The following DDX49 variants were observed in gnomAD, a reference collection of about 807,000 sequenced individuals.
DDX49 encodes the protein DEAD-box helicase 49.
A neutral mutation model predicts 56.3 loss-of-function variants in DDX49; 50 were observed. That is an observed-to-expected ratio of 0.89 (90% CI 0.71 to 1.12). The LOEUF is 1.12. Ranked by LOEUF, DDX49 falls within the 50% of genes most tolerant of loss-of-function variation. The probability of loss-of-function intolerance (pLI) is 0.00; values close to 1 mark genes in which losing one functional copy is unlikely to be tolerated. For missense variants in DDX49, 614 were observed against 650.5 expected (o/e 0.94, Z 0.61); for synonymous variants, 269 against 270.6 (o/e 0.99, Z 0.06).
At chr19:18,925,060 T>A in intron 9 of DDX49, 81 bp downstream of exon 9, 1 of 1,492,682 alleles carries the variant, frequency 6.7e-7, no homozygotes, top group South Asian at 1.3e-5. Flanking sequence ...AGGACGTGGG[T>A]AGGGTGCAGC....
rs1376411534 is a variant in DDX49 at position 18,928,369 on chromosome 19, G to A, written c.*53G>A. ...TGACTCGTCCATGGAGCTGAGGGTCGGAGGAACCTTCCTTGGGGGCAGCAG... is the reference window on the plus strand; with the variant it reads ...TGACTCGTCCATGGAGCTGAGGGTCAGAGGAACCTTCCTTGGGGGCAGCAG... On this transcript the variant is annotated 3_prime_UTR_variant, in exon 13 of 13. Transcript: ENST00000247003. 9 of 1,444,028 alleles carry A rather than the reference G, an allele frequency of 6.2e-6. No individual in the cohort carries two copies. Among genetic ancestry groups the A allele is most frequent in the African/African-American group, 2.9e-5 (2 of 69,832 alleles). The allele number at this position is 1,444,028 out of a possible 1,614,324, so 89.5% of individuals were successfully genotyped here.
chr19:18,926,513 C>T, intron 10 of DDX49, 136 bp downstream of exon 10: 1 of 852,270 alleles, frequency 1.2e-6, no homozygotes, highest in Non-Finnish European at 1.8e-6. Flanking sequence ...GGGCTTCCTT[C>T]CCTAGGCACC....
chr19:18,924,219 A>T lies in DDX49; in HGVS notation c.777-14A>T. ...GAGAGCTGGAGGGGTTGACAGGCAC[A>T]TCCTTCCCGCCAGGACCTGCCAGAT... On this transcript the variant is annotated splice_polypyrimidine_tract_variant and intron_variant, in intron 6 of 12. Transcript: ENST00000247003. 10 of 1,613,712 alleles carry T rather than the reference A, an allele frequency of 6.2e-6. 1 individual carries two copies. Among genetic ancestry groups the T allele is most frequent in the Non-Finnish European group, 6.8e-6 (8 of 1,179,882 alleles).
In DDX49 at chr19:18,921,940, T is replaced by G; in HGVS notation, c.423T>G (p.Phe141Leu). The G allele has an allele frequency of 1.2e-6, 2 of 1,613,242 alleles. No individual in the cohort carries two copies. The highest frequency in any genetic ancestry group is 1.7e-6 in the Non-Finnish European group (2 of 1,179,732). ...ATCACCTGCGCAGCTCCAACACTTT[T>G]AGTATAAAGAAGATCCGCTTCCTGG... Reference protein sequence around the residue: ...LADHLRSSNTFSIKKIRFLVM... With the variant: ...LADHLRSSNTLSIKKIRFLVM... Residue 141 changes from phenylalanine (F) to leucine (L), a missense_variant, in exon 4 of 13, where the codon TTT becomes TTG. Coordinates refer to ENST00000247003, the MANE Select transcript of DDX49 (RefSeq NM_019070.5).
Position 18,927,976 on chromosome 19 carries a change from G to A in DDX49, c.1203G>A (p.Ala401=), listed in dbSNP as rs766091858. The change falls in exon 12 of 13, where the codon GCG becomes GCA. Residue 401 remains alanine (A), a synonymous_variant. Transcript: ENST00000247003. The stretch of plus-strand genomic sequence containing the variant: ...CTTCCCTCCACCAGAAACTGGAGGC[G>A]GCCCACTTTGACGAAAAGAAGGAGA... ...VRRECEIKLE[A]AHFDEKKEIN... 3.1e-5 allele frequency: 50 copies of A among 1,613,724 alleles called. No individual in the cohort carries two copies. Among genetic ancestry groups the A allele is most frequent in the Non-Finnish European group, 3.9e-5 (46 of 1,179,992 alleles).
chr19:18,921,629 T>C (rs2145098200), intron 2 of DDX49, 34 bp from the exon 3 acceptor site: 1 of 1,604,026 alleles, frequency 6.2e-7, no homozygotes, highest in South Asian at 1.1e-5. Context: ...CCAGAACCAC[T>C]ACCTGACCCA....
chr19:18,928,355 T>C lies in DDX49; in HGVS notation c.*39T>C. 5 of 1,467,336 alleles carry C rather than the reference T, an allele frequency of 3.4e-6. No homozygotes were observed. The highest frequency in any genetic ancestry group is 1.4e-5 in the South Asian group (1 of 70,620). The allele number at this position is 1,467,336 out of a possible 1,614,324, so 90.9% of individuals were successfully genotyped here. ...ATCTGCCCAGTCCTTGACTCGTCCA[T>C]GGAGCTGAGGGTCGGAGGAACCTTC... On this transcript the variant is annotated 3_prime_UTR_variant, in exon 13 of 13. Transcript: ENST00000247003.
At position 18,928,303 on chromosome 19, in the gene DDX49, AG is replaced by A; in HGVS notation, c.1442del (p.Gly481AlafsTer65). 6.4e-7 allele frequency: 1 copy of A among 1,562,322 alleles called. No homozygotes were observed. Among genetic ancestry groups the A allele is most frequent in the Non-Finnish European group, 8.7e-7 (1 of 1,154,416 alleles). The stretch of plus-strand genomic sequence containing the variant: ...TCCCACTCAGGCCCAGTCCCCTCCC[AG>A]GGCCTGGTCTGAGCCCCACACGGCC... ...SGSHSGPVPS[Q>X]GLV On this transcript the variant is annotated frameshift_variant, in exon 13 of 13. Coordinates refer to ENST00000247003, the MANE Select transcript of DDX49 (RefSeq NM_019070.5). LOFTEE classifies it high-confidence loss of function.
At chr19:18,927,651 T>C (rs2056972230) in intron 10 of DDX49, 115 bp from the exon 11 acceptor site, 5 of 795,560 alleles carry the variant, frequency 6.3e-6, no homozygotes, top group Non-Finnish European at 1.1e-5. Flanking sequence ...TTACCTGATA[T>C]GGCCCCAGAT....
rs1449684284 is a variant in DDX49, at chr19:18,927,773, G to A, written c.1110G>A (p.Lys370=). The change falls in exon 11 of 13, where the codon AAG becomes AAA. Residue 370 remains lysine (K), a synonymous_variant. Coordinates refer to ENST00000247003, the MANE Select transcript of DDX49 (RefSeq NM_019070.5). The part of the protein sequence containing the change: ...VHAIEEQIKK[K]LEEFSVEEAE... The stretch of plus-strand genomic sequence containing the variant: ...GCTTTGCTGTCCCCACAGAGAAGAA[G>A]CTGGAGGAGTTCTCCGTGGAAGAGG... 1.2e-6 allele frequency: 2 copies of A among 1,600,732 alleles called. No homozygotes were observed. The highest frequency in any genetic ancestry group is 1.7e-6 in the Non-Finnish European group (2 of 1,167,954).
chr19:18,923,465 T>C (rs1027304365), intron 6 of DDX49, among the ~76,000 whole-genome samples: 7 of 151,968 alleles, frequency 4.6e-5, no homozygotes, highest in Non-Finnish European at 1.0e-4. Flanking sequence ...GAGGTTACAG[T>C]GAGCCGAGAT....
Position 18,926,370 on chromosome 19 carries a change from G to C in DDX49, c.1095G>C (p.Glu365Asp). Residue 365 changes from glutamate to aspartate, a missense_variant, in exon 10 of 13, where the codon GAG (glutamate) becomes GAC (aspartate). Physicochemically the swap from Glu to Asp is conservative, Grantham distance 45. Transcript: ENST00000247003. The stretch of plus-strand genomic sequence containing the variant: ...TCCACCTGGTGCACGCCATCGAGGA[G>C]CAGATCAGTGAGTGGGGTTGGGGTG... ...YDIHLVHAIE[E>D]QIKKKLEEFS... 2 of 1,359,192 alleles carry C rather than the reference G, an allele frequency of 1.5e-6. No individual in the cohort carries two copies. The highest frequency in any genetic ancestry group is 1.9e-6 in the Non-Finnish European group (2 of 1,026,174). 84.2% of individuals were successfully genotyped at this position (1,359,192 alleles called of 1,614,324 possible).
At chr19:18,922,064 A>G (rs1365304606) in intron 4 of DDX49, 100 bp downstream of exon 4, 4 of 1,474,420 alleles carry the variant, frequency 2.7e-6, no homozygotes, top group East Asian at 4.6e-5. Flanking sequence ...TAGGAAACGT[A>G]TGTCCGTTAG....
chr19:18,921,405 G>T (rs1017868460), intron 2 of DDX49, among the ~76,000 whole-genome samples: 6 of 152,170 alleles, frequency 3.9e-5, no homozygotes, highest in Non-Finnish European at 7.3e-5. Context: ...CGAACTGGGG[G>T]AAGGCACAGG....
chr19:18,926,462 C>T, intron 10 of DDX49, 85 bp downstream of exon 10: 1 of 1,230,014 alleles, frequency 8.1e-7, no homozygotes, highest in Non-Finnish European at 1.2e-6. Flanking sequence ...ATTTTCCCGT[C>T]AGACACCAGC....
In DDX49 at chr19:18,925,430, C is replaced by T. The variant is rs976628525; in HGVS notation, c.1027+451C>T. 4.1e-5 allele frequency among the ~76,000 whole-genome samples: 6 copies of T among 147,496 alleles called. No homozygotes were observed. The East Asian group carries it at 1.2e-3, about 30-fold the overall frequency. The stretch of plus-strand genomic sequence containing the variant: ...ATTAGCCAGGCGTGGTGGAGGGTGC[C>T]TGTAATCCCAGCTACTCGGGAGGCT... On this transcript the variant is annotated intron_variant, in intron 9 of 12. Transcript: ENST00000247003.
Position 18,919,804 on chromosome 19 carries a change from T to C in DDX49, c.63T>C (p.Gly21=). The change falls in exon 1 of 13, where the codon GGT becomes GGC. Residue 21 remains glycine (G), a synonymous_variant. Coordinates refer to ENST00000247003, the MANE Select transcript of DDX49 (RefSeq NM_019070.5). The stretch of plus-strand genomic sequence containing the variant: ...TCGTGGAACAATGTCGGCAGCTGGG[T>C]TTGAAGCAGCCCACGCCCGTGCAGC... ...SWLVEQCRQL[G]LKQPTPVQLG... is the part of the protein sequence containing the mutation. The C allele has an allele frequency of 3.1e-6, 5 of 1,612,462 alleles. No homozygotes were observed.
chr19:18,926,499 G>T, intron 10 of DDX49, 122 bp downstream of exon 10: 1 of 1,064,638 alleles, frequency 9.4e-7, no homozygotes, highest in South Asian at 1.5e-5. Flanking sequence ...GCAGATTTAG[G>T]CTGGGGCTTC....
In DDX49 at chr19:18,922,351, T is replaced by C; in HGVS notation, c.473T>C (p.Leu158Pro). The change falls in exon 5 of 13, where the codon CTG becomes CCG. Residue 158 changes from leucine to proline, a missense_variant. Leu to Pro is a moderately conservative substitution (Grantham distance 98). Transcript: ENST00000247003. The stretch of plus-strand genomic sequence containing the variant: ...GTGATGGATGAGGCAGACCGGCTGC[T>C]GGAACAGGGCTGCACTGACTTCACC... Reference protein sequence around the residue: ...FLVMDEADRLLEQGCTDFTVD... With the variant: ...FLVMDEADRLPEQGCTDFTVD... 2 of 1,611,576 alleles carry C rather than the reference T, an allele frequency of 1.2e-6. No homozygotes were observed. The highest frequency in any genetic ancestry group is 1.7e-4 in the Middle Eastern group (1 of 5,998).
Sources: allele counts gnomAD v4.1 joint callset (sites outside exome capture counted in the v4.1 genomes callset), GRCh38; gene constraint gnomAD v4.1.1; transcripts MANE v1.5; gene names NCBI Gene and HGNC (gene_info 2026-07-23, HGNC 2026-07-21).